The following NUP188 variants were observed in gnomAD, a reference collection of about 807,000 sequenced individuals.
NUP188 encodes nucleoporin NUP188.
A neutral mutation model predicts 223.0 loss-of-function variants in NUP188; 97 were observed. That is an observed-to-expected ratio of 0.43 (90% CI 0.37 to 0.51). The LOEUF is 0.51. NUP188 is among the 20% of genes least tolerant of loss of function. The probability of loss-of-function intolerance (pLI) is 0.00; values close to 1 mark genes in which losing one functional copy is unlikely to be tolerated. For synonymous variants in NUP188, 869 were observed against 828.0 expected (o/e 1.05, Z -0.85); for missense variants, 1,947 against 2,175.6 (o/e 0.89, Z 2.09).
chr9:128,949,113 C>A, intron 1 of NUP188, 76 bp from the exon 2 acceptor site: 1 of 1,083,668 alleles, frequency 9.2e-7, no homozygotes, highest in Non-Finnish European at 1.4e-6. Flanking sequence ...AGAGAGCAGA[C>A]AAAATGGCTA....
intron 30 of NUP188, 43 bp from the exon 31 acceptor site, chr9:128,998,107 CT>C: frequency 6.9e-7 from 1 of 1,457,754 alleles, no homozygotes; most frequent in Non-Finnish European, 9.6e-7. Context: ...CCTCTAAAAT[CT>C]GGAAAATTTT....
chr9:128,987,116 T>A (rs1338114863), intron 22 of NUP188, among the ~76,000 whole-genome samples: 1 of 151,630 alleles, frequency 6.6e-6, no homozygotes, highest in Non-Finnish European at 1.5e-5. Context: ...TGTGTGTGTG[T>A]GTGTGTGTGT....
chr9:128,986,531 A>G (rs1306133172), intron 20 of NUP188, 27 bp from the exon 21 acceptor site: 2 of 1,605,630 alleles, frequency 1.2e-6, no homozygotes, highest in East Asian at 4.5e-5. Context: ...AAATGTGCGG[A>G]AGTCCTCACT....
At chr9:129,000,939 G>A (rs1842645191) in intron 34 of NUP188, among the ~76,000 whole-genome samples, 1 of 152,014 alleles carries the variant, frequency 6.6e-6, no homozygotes, top group Non-Finnish European at 1.5e-5. Flanking sequence ...TCGGGAGGCT[G>A]AGGCAGGAGG....
At chr9:128,961,622 A>ATAGATT (rs774001270) in intron 8 of NUP188, among the ~76,000 whole-genome samples, 37 of 133,952 alleles carry the variant, frequency 2.8e-4, no homozygotes, top group African/African-American at 1.0e-3. Context: ...AGATAGATAG[A>ATAGATT]TTTTTTTTTT....
chr9:128,947,767 A>G lies in NUP188; in HGVS notation c.32+16A>G. Reference sequence around the variant, plus strand: ...CGTGTGTGAGGTGCGGAGCGGGTCGAATGGACCGGGGTGGCTGTGAAGCGC... The same window carrying G: ...CGTGTGTGAGGTGCGGAGCGGGTCGGATGGACCGGGGTGGCTGTGAAGCGC... On this transcript the variant is annotated intron_variant, in intron 1 of 43. Coordinates refer to ENST00000372577, the MANE Select transcript of NUP188 (RefSeq NM_015354.3). 1 of 1,432,912 alleles carries G rather than the reference A, an allele frequency of 7.0e-7. No homozygotes were observed. The highest frequency in any genetic ancestry group is 9.1e-7 in the Non-Finnish European group (1 of 1,094,684). 88.8% of individuals were successfully genotyped at this position (1,432,912 alleles called of 1,614,324 possible).
chr9:129,001,742 C>T lies in NUP188; in HGVS notation c.4044+13C>T, dbSNP rs564581034. 1.9e-6 allele frequency: 3 copies of T among 1,611,970 alleles called. No individual in the cohort carries two copies. Among genetic ancestry groups the T allele is most frequent in the Admixed American group, 3.3e-5 (2 of 59,792 alleles). On this transcript the variant is annotated intron_variant, in intron 35 of 43. Transcript: ENST00000372577. ...TCGCACTCAGCAGGTAGGAGGCCAG[C>T]CCGAAGGCAGGAGGGAGCGTCCTTG...
chr9:129,003,229 GACGTTGCCTCTCC>G, intron 37 of NUP188, 75 bp from the exon 38 acceptor site: 1 of 1,470,622 alleles, frequency 6.8e-7, no homozygotes, highest in South Asian at 1.2e-5. Flanking sequence ...GGGGGCCTGG[GACGTTGCCTCTCC>G]ACAGGAGGGT....
chr9:128,994,916 G>A lies in NUP188; in HGVS notation c.3148G>A (p.Val1050Ile). The A allele has an allele frequency of 6.2e-7, 1 of 1,608,870 alleles. No homozygotes were observed. Among genetic ancestry groups the A allele is most frequent in the Non-Finnish European group, 8.5e-7 (1 of 1,175,216 alleles). ...MKIICLEIYYVVKGSLDQSLK... is the reference protein window; with the variant it reads ...MKIICLEIYYIVKGSLDQSLK... ...GATAATTTGCTTGGAGATATACTAT[G>A]TAGTAAAGTGAGTACTTTCCCCTCT... Residue 1050 changes from valine to isoleucine, a missense_variant, in exon 29 of 44, where the codon GTA becomes ATA. By Grantham distance (29) the Val-to-Ile change is conservative (BLOSUM62 3). This residue lies in a region of NUP188 where 905 missense variants were observed against 990.6 expected (regional missense o/e 0.91). Coordinates refer to ENST00000372577, the MANE Select transcript of NUP188 (RefSeq NM_015354.3).
intron 41 of NUP188, 48 bp downstream of exon 41, chr9:129,005,824 C>A: frequency 6.5e-7 from 1 of 1,547,080 alleles, no homozygotes; most frequent in East Asian, 2.3e-5. Context: ...GCTCCTCCCC[C>A]TGCCTGCCAC....
intron 13 of NUP188, 82 bp from the exon 14 acceptor site, chr9:128,980,524 T>G: frequency 6.9e-7 from 1 of 1,450,070 alleles, no homozygotes; most frequent in South Asian, 1.3e-5. Flanking sequence ...ATTCTAAATT[T>G]TCTCATGATT....
chr9:128,996,926 G>A (rs1284081949), intron 30 of NUP188, among the ~76,000 whole-genome samples: 1 of 152,234 alleles, frequency 6.6e-6, no homozygotes, highest in South Asian at 2.1e-4. Context: ...TTGAGATGCA[G>A]CAGTGAATAA....
chr9:128,988,320 T>C, intron 24 of NUP188, 134 bp downstream of exon 24: 1 of 956,760 alleles, frequency 1.0e-6, no homozygotes, highest in East Asian at 2.4e-5. Context: ...TTGGGAATGA[T>C]TACCAGCTCC....
At chr9:128,962,296 T>C (rs1841967248) in intron 8 of NUP188, among the ~76,000 whole-genome samples, 1 of 148,216 alleles carries the variant, frequency 6.7e-6, no homozygotes, top group Non-Finnish European at 1.5e-5. Flanking sequence ...TCACCCAGGC[T>C]AGAGTGCAGT....
rs778418851 is a variant in NUP188 at position 128,982,961 on chromosome 9, A to G, written c.1729A>G (p.Ser577Gly). The G allele has an allele frequency of 6.2e-7, 1 of 1,614,158 alleles. No individual in the cohort carries two copies. The highest frequency in any genetic ancestry group is 8.5e-7 in the Non-Finnish European group (1 of 1,180,006). Residue 577 changes from serine to glycine, a missense_variant, in exon 17 of 44, where the codon AGT becomes GGT. Ser to Gly is a moderately conservative substitution (Grantham distance 56, BLOSUM62 0). Around this residue, in one of 3 missense-constraint regions of NUP188, gnomAD observed 817 missense variants for 865.8 expected, o/e 0.94. Coordinates refer to ENST00000372577, the MANE Select transcript of NUP188 (RefSeq NM_015354.3). The part of the protein sequence containing the change: ...PIIDLVHKVI[S>G]TDLSIADCLL... Reference sequence around the variant, plus strand: ...CATTGATCTCGTCCATAAGGTCATCAGTACAGACCTGTCGATAGCAGACTG... The same window carrying G: ...CATTGATCTCGTCCATAAGGTCATCGGTACAGACCTGTCGATAGCAGACTG...
intron 11 of NUP188, among the ~76,000 whole-genome samples, chr9:128,971,207 T>C (rs1028103306): frequency 2.0e-5 from 3 of 152,186 alleles, no homozygotes; most frequent in African/African-American, 7.2e-5. Context: ...CAGAGAGATG[T>C]AATTTGCCCA....
Position 128,970,871 on chromosome 9 carries a change from C to T in NUP188, c.1026C>T (p.Val342=). The change falls in exon 11 of 44, where the codon GTC becomes GTT. Residue 342 remains valine (V), a synonymous_variant. Coordinates refer to ENST00000372577, the MANE Select transcript of NUP188 (RefSeq NM_015354.3). ...TLNPEETSSV[V]RKIGGTAIQL... ...ACCCAGAAGAGACAAGCAGTGTGGT[C>T]CGGAAGATAGGTGGCACAGCCATCC... The T allele has an allele frequency of 1.2e-6, 2 of 1,614,088 alleles. No homozygotes were observed. Among genetic ancestry groups the T allele is most frequent in the African/African-American group, 1.3e-5 (1 of 75,012 alleles).
intron 3 of NUP188, among the ~76,000 whole-genome samples, chr9:128,953,184 C>T (rs554302613): frequency 6.6e-6 from 1 of 152,286 alleles, no homozygotes; most frequent in East Asian, 1.9e-4. Context: ...AAGGATGATG[C>T]TAACAACTGA....
At chr9:128,983,936 T>C (rs1588282675) in intron 19 of NUP188, among the ~76,000 whole-genome samples, 1 of 152,216 alleles carries the variant, frequency 6.6e-6, no homozygotes, top group East Asian at 1.9e-4. Context: ...TTCTCCCACC[T>C]CAGCCTCCCC....
Sources: allele counts gnomAD v4.1 joint callset (sites outside exome capture counted in the v4.1 genomes callset), GRCh38; gene constraint gnomAD v4.1.1; regional missense constraint gnomAD v4.1.1; transcripts MANE v1.5; gene names NCBI Gene and HGNC (gene_info 2026-07-23, HGNC 2026-07-21).